The following RYR2 variants were observed in gnomAD, a reference collection of about 807,000 sequenced individuals.
RYR2 encodes ryanodine receptor 2, also known as cardiac muscle ryanodine receptor-calcium release channel.
In RYR2, 227 loss-of-function variants were observed where a neutral mutation model predicts 601.1. That is an observed-to-expected ratio of 0.38 (90% CI 0.34 to 0.42). The LOEUF is 0.42. Ranked by LOEUF, RYR2 falls within the 10% of genes least tolerant of loss-of-function variation. RYR2 has a pLI of 1.00. For missense variants in RYR2, 4,646 were observed against 6,156.5 expected, an observed-to-expected ratio of 0.75 and a Z score of 8.21; for synonymous variants, 2,223 against 2,175.1, an observed-to-expected ratio of 1.02 and a Z score of -0.61.
intron 99 of RYR2, among the ~76,000 whole-genome samples, chr1:237,806,569 A>G (rs1295215597): frequency 6.6e-6 from 1 of 152,196 alleles, no homozygotes; most frequent in East Asian, 1.9e-4. Flanking sequence ...GCCTTAACAC[A>G]GCCCCTGGCC....
intron 2 of RYR2, among the ~76,000 whole-genome samples, chr1:237,284,554 A>ATATG (rs1691294152): frequency 1.4e-5 from 2 of 144,386 alleles, no homozygotes; most frequent in South Asian, 4.2e-4. Flanking sequence ...GTGTGTATAT[A>ATATG]TATATTCCAC....
chr1:237,463,406 T>C (rs1227927102), intron 16 of RYR2, among the ~76,000 whole-genome samples: 2 of 152,206 alleles, frequency 1.3e-5, no homozygotes, highest in Non-Finnish European at 2.9e-5. Flanking sequence ...CAGATTTTTT[T>C]AGTCTTTTGT....
chr1:237,540,613 G>T (rs995885945), intron 25 of RYR2, among the ~76,000 whole-genome samples: 33 of 151,892 alleles, frequency 2.2e-4, no homozygotes, highest in African/African-American at 8.0e-4. Context: ...AGGCTGAGGC[G>T]GGAGAATCAC....
At chr1:237,239,679 G>T (rs1047937181) in intron 1 of RYR2, among the ~76,000 whole-genome samples, 2 of 152,150 alleles carry the variant, frequency 1.3e-5, no homozygotes, top group South Asian at 2.1e-4. Flanking sequence ...GAAATAATTT[G>T]GGGGCTGCTT....
chr1:237,484,521 G>A (rs1662468532), intron 17 of RYR2, among the ~76,000 whole-genome samples: 1 of 152,272 alleles, frequency 6.6e-6, no homozygotes, highest in South Asian at 2.1e-4. Flanking sequence ...TCTCCCAAAT[G>A]TAAGCTTATG....
At chr1:237,140,836 T>C (rs1039342577) in intron 1 of RYR2, among the ~76,000 whole-genome samples, 1 of 152,192 alleles carries the variant, frequency 6.6e-6, no homozygotes, top group African/African-American at 2.4e-5. Flanking sequence ...TGACCTGGCC[T>C]CACCTTACCC....
chr1:237,127,519 C>T (rs1229974025), intron 1 of RYR2, among the ~76,000 whole-genome samples: 35 of 150,914 alleles, frequency 2.3e-4, no homozygotes, highest in African/African-American at 8.0e-4. Flanking sequence ...GGGGCTGATG[C>T]CCCCACCTCC....
At chr1:237,372,222 A>G (rs1439688213) in intron 6 of RYR2, among the ~76,000 whole-genome samples, 1 of 152,236 alleles carries the variant, frequency 6.6e-6, no homozygotes, top group African/African-American at 2.4e-5. Flanking sequence ...TGATGATTTA[A>G]TAATATCATT....
At chr1:237,310,395 C>T (rs916373801) in intron 2 of RYR2, among the ~76,000 whole-genome samples, 3 of 152,174 alleles carry the variant, frequency 2.0e-5, no homozygotes, top group Non-Finnish European at 2.9e-5. Context: ...GCTGCCTTTC[C>T]TTTTGTACCT....
intron 35 of RYR2, among the ~76,000 whole-genome samples, chr1:237,603,339 C>T (rs951209564): frequency 5.9e-5 from 9 of 152,042 alleles, no homozygotes; most frequent in African/African-American, 1.9e-4. Context: ...CTGGTGCCCC[C>T]CTGTCCCAGC....
At chr1:237,527,465 C>G (rs928082470) in intron 24 of RYR2, among the ~76,000 whole-genome samples, 1 of 152,082 alleles carries the variant, frequency 6.6e-6, no homozygotes, top group African/African-American at 2.4e-5. Context: ...TATAGTGCAC[C>G]CCAAACTTAC....
At chr1:237,654,561 C>A in intron 52 of RYR2, 147 bp downstream of exon 52, 1 of 757,148 alleles carries the variant, frequency 1.3e-6, no homozygotes, top group Non-Finnish European at 2.0e-6. Flanking sequence ...AACTTCATAA[C>A]AAATGTTGAA....
At chr1:237,710,002 G>A (rs1405970677) in intron 70 of RYR2, among the ~76,000 whole-genome samples, 1 of 152,172 alleles carries the variant, frequency 6.6e-6, no homozygotes, top group Non-Finnish European at 1.5e-5. Flanking sequence ...AAGGAATTTA[G>A]TTTGGCTCAC....
intron 1 of RYR2, among the ~76,000 whole-genome samples, chr1:237,162,810 A>G (rs1676186077): frequency 6.6e-6 from 1 of 152,158 alleles, no homozygotes; most frequent in African/African-American, 2.4e-5. Flanking sequence ...GTGGGCTGGA[A>G]AGATAAACTG....
chr1:237,293,802 T>G (rs1692480864), intron 2 of RYR2, among the ~76,000 whole-genome samples: 1 of 152,124 alleles, frequency 6.6e-6, no homozygotes, highest in African/African-American at 2.4e-5. Flanking sequence ...AGCAACCTAG[T>G]TTTAATTCTG....
chr1:237,734,477 C>A (rs937598047), intron 79 of RYR2, among the ~76,000 whole-genome samples: 1 of 152,164 alleles, frequency 6.6e-6, no homozygotes, highest in African/African-American at 2.4e-5. Context: ...GGTGGGGATA[C>A]AGAGCCAAAC....
intron 2 of RYR2, among the ~76,000 whole-genome samples, chr1:237,292,195 T>A (rs1230825030): frequency 6.6e-6 from 1 of 152,236 alleles, no homozygotes; most frequent in Non-Finnish European, 1.5e-5. Flanking sequence ...TGTTATACTG[T>A]ATATACAGTG....
intron 1 of RYR2, among the ~76,000 whole-genome samples, chr1:237,176,932 A>T (rs1678122191): frequency 6.6e-6 from 1 of 152,194 alleles, no homozygotes; most frequent in Admixed American, 6.5e-5. Context: ...TTGGGAAGAG[A>T]TTAGTGTTTT....
intron 28 of RYR2, among the ~76,000 whole-genome samples, chr1:237,568,679 T>A (rs1672347004): frequency 6.6e-6 from 1 of 152,182 alleles, no homozygotes; most frequent in African/African-American, 2.4e-5. Flanking sequence ...GAAATTTCAT[T>A]TTGAAATAGA....
Sources: gnomAD v4.1 joint callset for allele counts (sites outside exome capture counted in the v4.1 genomes callset) on GRCh38, gnomAD v4.1.1 for gene constraint, MANE v1.5 for transcripts, NCBI Gene and HGNC (gene_info 2026-07-23, HGNC 2026-07-21) for gene names.